GPM6B: variants seen among roughly 807,000 people sequenced by gnomAD.
GPM6B encodes the protein glycoprotein M6B.
GPM6B carries 4 observed loss-of-function variants against 27.2 expected under a neutral mutation model. The ratio of observed to expected loss-of-function variants is 0.15; its 90% confidence interval spans 0.07 to 0.34. The LOEUF is 0.34. Among genes scored for constraint, GPM6B ranks in the 10% least tolerant of loss-of-function variants. The pLI is 1.00. For synonymous variants in GPM6B, 124 were observed against 103.1 expected, an observed-to-expected ratio of 1.20 and a Z score of -1.23; for missense variants, 183 against 261.9, an observed-to-expected ratio of 0.70 and a Z score of 2.08.
At chrX:13,784,148 T>A (rs2048567948) in intron 3 of GPM6B, among the ~76,000 whole-genome samples, 1 of 113,033 alleles carries the variant, frequency 8.8e-6, no homozygotes, top group Non-Finnish European at 1.9e-5. Context: ...AAATGACATG[T>A]CCTCAGCCTT....
At chrX:13,794,114 T>A (rs2048763568) in intron 2 of GPM6B, among the ~76,000 whole-genome samples, 1 of 111,218 alleles carries the variant, frequency 9.0e-6, no homozygotes, top group African/African-American at 3.3e-5. Flanking sequence ...GCCACAGGTA[T>A]TTACTATGTG....
intron 1 of GPM6B, among the ~76,000 whole-genome samples, chrX:13,826,530 C>T (rs974607342): frequency 9.4e-6 from 1 of 106,467 alleles, no homozygotes; most frequent in South Asian, 4.1e-4. Flanking sequence ...CATAGAAAGA[C>T]CCTGCCTCTA....
chrX:13,869,045 C>T (rs939664014), intron 1 of GPM6B, among the ~76,000 whole-genome samples: 1 of 111,835 alleles, frequency 8.9e-6, no homozygotes, highest in Admixed American at 9.5e-5. Context: ...TTCAACCAAA[C>T]CCATCAGAAT....
intron 3 of GPM6B, among the ~76,000 whole-genome samples, chrX:13,784,581 G>T (rs2048575201): frequency 8.9e-6 from 1 of 111,866 alleles, no homozygotes. Context: ...ATAATCATAA[G>T]ACACACTAAC....
chrX:13,806,691 T>C (rs1368205851), intron 2 of GPM6B, among the ~76,000 whole-genome samples: 6 of 112,287 alleles, frequency 5.3e-5, no homozygotes, highest in African/African-American at 2.0e-4. Context: ...GTAACTTACA[T>C]TGTACCTTGG....
chrX:13,904,657 T>C (rs1466839785), intron 1 of GPM6B, among the ~76,000 whole-genome samples: 1 of 111,221 alleles, frequency 9.0e-6, no homozygotes, highest in Non-Finnish European at 1.9e-5. Flanking sequence ...TATCTGGCTC[T>C]TTGCAGACAC....
intron 1 of GPM6B, among the ~76,000 whole-genome samples, chrX:13,837,344 C>A (rs922251596): frequency 1.8e-5 from 2 of 111,594 alleles, no homozygotes; most frequent in Non-Finnish European, 3.8e-5. Flanking sequence ...CCCACCCTGG[C>A]GTGTTTATTC....
chrX:13,846,593 C>T (rs1040499266), intron 1 of GPM6B, among the ~76,000 whole-genome samples: 1 of 109,729 alleles, frequency 9.1e-6, no homozygotes, highest in African/African-American at 3.3e-5. Flanking sequence ...TGGGTTCACG[C>T]CATTCCCCTG....
intron 1 of GPM6B, chrX:13,938,201 TTC>T (rs1363250217): frequency 4.5e-6 from 1 of 221,941 alleles, no homozygotes; most frequent in Non-Finnish European, 8.2e-6. Context: ...GCGCCGTCTG[TTC>T]TCTCTGCAAC....
chrX:13,896,588 CAG>C (rs1351402298), intron 1 of GPM6B, among the ~76,000 whole-genome samples: 3 of 110,201 alleles, frequency 2.7e-5, no homozygotes, highest in Admixed American at 9.6e-5. Context: ...CAAATTGAGA[CAG>C]AGTCTTGCTC....
chrX:13,812,032 C>T (rs2049139527), intron 1 of GPM6B, among the ~76,000 whole-genome samples: 1 of 101,587 alleles, frequency 9.8e-6, no homozygotes, highest in Admixed American at 1.1e-4. Context: ...CAAAGGAGAA[C>T]ACTTTTCTTT....
intron 1 of GPM6B, among the ~76,000 whole-genome samples, chrX:13,930,871 A>AAT (rs1337699822): frequency 6.3e-5 from 7 of 111,926 alleles, no homozygotes; most frequent in African/African-American, 1.6e-4. Flanking sequence ...TTCACTGGTA[A>AAT]ATTCTTGCAA....
At chrX:13,804,975 C>A (rs1343350670) in intron 2 of GPM6B, among the ~76,000 whole-genome samples, 1 of 111,006 alleles carries the variant, frequency 9.0e-6, no homozygotes. Flanking sequence ...TCCCTTCACT[C>A]TGTGGCCTGC....
chrX:13,804,484 G>A (rs997600811), intron 2 of GPM6B, among the ~76,000 whole-genome samples: 3 of 110,332 alleles, frequency 2.7e-5, no homozygotes, highest in African/African-American at 9.9e-5. Flanking sequence ...AGGCAGAAAA[G>A]ATGTGGACAC....
intron 1 of GPM6B, among the ~76,000 whole-genome samples, chrX:13,848,890 TAATACATGGTAC>T (rs1456965381): frequency 1.8e-5 from 2 of 112,093 alleles, no homozygotes; most frequent in African/African-American, 6.5e-5. Flanking sequence ...AACAAAGTAC[TAATACATGGTAC>T]AATATGGATG....
intron 1 of GPM6B, among the ~76,000 whole-genome samples, chrX:13,931,414 G>C (rs897034307): frequency 9.3e-4 from 100 of 107,220 alleles, no homozygotes; most frequent in African/African-American, 2.9e-3. Flanking sequence ...CGTGAACCCA[G>C]GAGGCAGAGC....
At chrX:13,874,481 T>C (rs2050012139) in intron 1 of GPM6B, among the ~76,000 whole-genome samples, 1 of 105,534 alleles carries the variant, frequency 9.5e-6, no homozygotes, top group Non-Finnish European at 1.9e-5. Context: ...GTGGATCACT[T>C]GAGGTCAAGA....
rs148260340 is a variant in GPM6B at position 13,877,326 on chromosome X, G to C, written c.-198+61001C>G. On this transcript the variant is annotated intron_variant, in intron 1 of 6. Coordinates refer to the GPM6B transcript ENST00000398361. ...TGTGGGAGCATGTAAACTTGACAAG[G>C]ATAGTGAAGTAGAGTTTCCTTAGGA... Among the ~76,000 whole-genome samples, 466 of 111,955 alleles carry C rather than the reference G, an allele frequency of 4.2e-3. 2 individuals carry two copies. The highest frequency in any genetic ancestry group is 6.8e-3 in the South Asian group (18 of 2,652).
intron 2 of GPM6B, among the ~76,000 whole-genome samples, chrX:13,797,557 T>C (rs2048839843): frequency 9.0e-6 from 1 of 111,069 alleles, no homozygotes; most frequent in Non-Finnish European, 1.9e-5. Flanking sequence ...GGTCCCCCCA[T>C]TGCCTGGTCC....
Sources: gnomAD v4.1 joint callset for allele counts (sites outside exome capture counted in the v4.1 genomes callset) on GRCh38, gnomAD v4.1.1 for gene constraint, MANE v1.5 for transcripts, NCBI Gene and HGNC (gene_info 2026-07-23, HGNC 2026-07-21) for gene names.